Variants in RAVER2 observed in about 807,000 individuals in gnomAD.
RAVER2 encodes ribonucleoprotein PTB-binding 2.
Under a neutral mutation model 78.1 loss-of-function variants are expected in RAVER2, and 46 were observed. That is an observed-to-expected ratio of 0.59 (90% confidence interval 0.46 to 0.75). RAVER2 has a LOEUF of 0.75. Among genes scored for constraint, RAVER2 ranks in the 30% least tolerant of loss-of-function variants. The pLI is 0.00. For synonymous variants in RAVER2, 311 were observed against 313.3 expected, an observed-to-expected ratio of 0.99 and a Z score of 0.08; for missense variants, 793 against 837.5, an observed-to-expected ratio of 0.95 and a Z score of 0.66.
chr1:64,792,872 A>G (rs1019346884), intron 5 of RAVER2, among the ~76,000 whole-genome samples: 2 of 152,326 alleles, frequency 1.3e-5, no homozygotes, highest in Admixed American at 1.3e-4. Flanking sequence ...ACTCCTCACA[A>G]AGGCCTTCTC....
chr1:64,832,678 A>C (rs1286763986), exon 12 of RAVER2: 1 of 152,170 alleles, frequency 6.6e-6, no homozygotes, highest in Non-Finnish European at 1.5e-5. Context: ...TATTGCATAT[A>C]CTAGCTTCTG....
At chr1:64,825,974 G>A (rs1342963171) in intron 11 of RAVER2, among the ~76,000 whole-genome samples, 2 of 152,246 alleles carry the variant, frequency 1.3e-5, no homozygotes, top group African/African-American at 4.8e-5. Flanking sequence ...GAGGGCAGGT[G>A]CCCAAAGCGA....
Position 64,771,219 on chromosome 1 carries a change from C to A in RAVER2, c.316+2497C>A, listed in dbSNP as rs186183017. On this transcript the variant is annotated intron_variant, in intron 2 of 11. Transcript: ENST00000294428. ...GACAAAGATTAAGATGACCATAGATCTTGGAAACAACACAATTGAAAAGAC... is the reference window on the plus strand; with the variant it reads ...GACAAAGATTAAGATGACCATAGATATTGGAAACAACACAATTGAAAAGAC... 1.0e-3 allele frequency among the ~76,000 whole-genome samples: 154 copies of A among 148,214 alleles called. 1 individual carries two copies. The South Asian group carries it at 0.021, about 20-fold the overall frequency.
intron 11 of RAVER2, 38 bp from the exon 12 acceptor site, chr1:64,830,801 T>C (rs1255475266): frequency 6.5e-7 from 1 of 1,532,810 alleles, no homozygotes. Flanking sequence ...AAGCCAACTT[T>C]AGATTTTAAA....
chr1:64,830,405 TTC>T (rs1654098951), intron 11 of RAVER2, among the ~76,000 whole-genome samples: 1 of 152,170 alleles, frequency 6.6e-6, no homozygotes. Flanking sequence ...TATTGATTTA[TTC>T]TCTCACCACT....
At chr1:64,759,068 G>A (rs1340963097) in intron 1 of RAVER2, among the ~76,000 whole-genome samples, 6 of 151,680 alleles carry the variant, frequency 4.0e-5, no homozygotes, top group African/African-American at 1.5e-4. Context: ...ACCTTTTATA[G>A]TTAGATATGT....
chr1:64,756,574 CAT>C (rs1651862115), intron 1 of RAVER2, among the ~76,000 whole-genome samples: 1 of 152,144 alleles, frequency 6.6e-6, no homozygotes, highest in African/African-American at 2.4e-5. Flanking sequence ...AAAGATAACA[CAT>C]AGAGTTCCCA....
At chr1:64,754,316 C>G (rs1651789516) in intron 1 of RAVER2, among the ~76,000 whole-genome samples, 1 of 152,144 alleles carries the variant, frequency 6.6e-6, no homozygotes, top group Non-Finnish European at 1.5e-5. Context: ...CTCTATGCAG[C>G]TATATTGTTA....
rs1652868769 is a variant in RAVER2 at position 64,789,246 on chromosome 1, A to G, written c.979-142A>G. The G allele has an allele frequency of 4.4e-6, 3 of 677,862 alleles. No homozygotes were observed. In the Admixed American group the frequency reaches 1.2e-4, roughly 26 times the overall value. 42.0% of individuals were successfully genotyped at this position (677,862 alleles called of 1,614,324 possible). A position where few individuals can be genotyped will look rare whatever the true frequency, so the allele number is the denominator to read the frequency against. The stretch of plus-strand genomic sequence containing the variant: ...TGAGAACTGCAGTAGAGAGTATAAA[A>G]TAGATATATAATATAAATCAAATTA... On this transcript the variant is annotated intron_variant, in intron 4 of 11. Transcript: ENST00000294428.
At chr1:64,792,142 A>G (rs1024963990) in intron 5 of RAVER2, among the ~76,000 whole-genome samples, 4 of 152,116 alleles carry the variant, frequency 2.6e-5, no homozygotes, top group African/African-American at 9.7e-5. Flanking sequence ...TTTTTCTGCA[A>G]TTCTCTTTTT....
intron 1 of RAVER2, among the ~76,000 whole-genome samples, chr1:64,764,377 A>C (rs1652116781): frequency 6.6e-6 from 1 of 152,020 alleles, no homozygotes; most frequent in East Asian, 1.9e-4. Context: ...ATATGGGAAA[A>C]GGGAAAAAAA....
intron 1 of RAVER2, among the ~76,000 whole-genome samples, chr1:64,760,142 C>T (rs922532018): frequency 2.0e-5 from 3 of 150,242 alleles, no homozygotes; most frequent in African/African-American, 7.3e-5. Flanking sequence ...ACACAGATAT[C>T]TAATCCAGAC....
intron 11 of RAVER2, among the ~76,000 whole-genome samples, chr1:64,818,863 C>T (rs868585901): frequency 6.6e-6 from 1 of 152,094 alleles, no homozygotes; most frequent in Non-Finnish European, 1.5e-5. Context: ...AACCCAAATA[C>T]TGTTGGCTGG....
intron 11 of RAVER2, among the ~76,000 whole-genome samples, chr1:64,824,777 A>G (rs950187289): frequency 1.3e-5 from 2 of 151,782 alleles, no homozygotes; most frequent in Admixed American, 1.3e-4. Context: ...AGAAAATACA[A>G]AAAATTAGCC....
chr1:64,831,915 CAG>C (rs1484200810), exon 12 of RAVER2: 27 of 152,328 alleles, frequency 1.8e-4, no homozygotes, highest in Admixed American at 1.3e-3. Context: ...TTAGCTTCAA[CAG>C]AGACTGTATG....
chr1:64,817,732 G>A (rs1450070928), intron 11 of RAVER2, among the ~76,000 whole-genome samples: 1 of 141,058 alleles, frequency 7.1e-6, no homozygotes, highest in East Asian at 2.1e-4. Context: ...GAAGGGGAAC[G>A]TCACACACTG....
intron 4 of RAVER2, among the ~76,000 whole-genome samples, chr1:64,783,515 C>T (rs1288203819): frequency 2.0e-5 from 3 of 152,190 alleles, no homozygotes; most frequent in African/African-American, 7.2e-5. Context: ...TGTCTGTTGA[C>T]TGCATAAATG....
intron 5 of RAVER2, among the ~76,000 whole-genome samples, chr1:64,796,164 T>A (rs1653091244): frequency 1.3e-5 from 2 of 152,036 alleles, no homozygotes; most frequent in Admixed American, 6.5e-5. Context: ...TAATCTTTTT[T>A]ATATATTGTT....
chr1:64,751,332 G>A (rs1310400346), intron 1 of RAVER2, among the ~76,000 whole-genome samples: 1 of 152,206 alleles, frequency 6.6e-6, no homozygotes, highest in Middle Eastern at 3.2e-3. Context: ...TTGTGCAGGA[G>A]CAGAAACTCT....
Sources: gnomAD v4.1 joint callset for allele counts (sites outside exome capture counted in the v4.1 genomes callset) on GRCh38, gnomAD v4.1.1 for gene constraint, MANE v1.5 for transcripts, NCBI Gene and HGNC (gene_info 2026-07-23, HGNC 2026-07-21) for gene names.